LYPD6: variants seen among roughly 807,000 people sequenced by gnomAD.
LYPD6 encodes LY6/PLAUR domain containing 6.
LYPD6 carries 15 observed loss-of-function variants against 22.7 expected under a neutral mutation model. That is an observed-to-expected ratio of 0.66 (90% CI 0.44 to 1.02). The LOEUF (loss-of-function observed/expected upper bound fraction) is 1.02, where lower values mean the gene tolerates loss of function less well. Ranked by LOEUF, LYPD6 falls within the 50% of genes least tolerant of loss-of-function variation. The pLI, the probability that LYPD6 is intolerant of heterozygous loss-of-function variation, is 0.00. For synonymous variants in LYPD6, 72 were observed against 77.5 expected, an observed-to-expected ratio of 0.93 and a Z score of 0.37; for missense variants, 189 against 208.4, an observed-to-expected ratio of 0.91 and a Z score of 0.57.
chr2:149,435,376 TACAC>T (rs1473445443), intron 1 of LYPD6, among the ~76,000 whole-genome samples: 12 of 152,268 alleles, frequency 7.9e-5, no homozygotes, highest in African/African-American at 2.9e-4. Context: ...TGTTTACAGT[TACAC>T]ACATAATGTT....
intron 1 of LYPD6, among the ~76,000 whole-genome samples, chr2:149,335,896 G>A (rs894031684): frequency 3.3e-5 from 5 of 152,196 alleles, no homozygotes; most frequent in African/African-American, 1.2e-4. Context: ...ACTTAGGTGT[G>A]TAGTAGGCTA....
At chr2:149,358,678 T>C (rs1211167536) in intron 1 of LYPD6, among the ~76,000 whole-genome samples, 1 of 151,982 alleles carries the variant, frequency 6.6e-6, no homozygotes, top group Non-Finnish European at 1.5e-5. Context: ...TCTAAATATA[T>C]ATATATATTT....
chr2:149,410,291 T>C (rs1682823884), intron 1 of LYPD6, among the ~76,000 whole-genome samples: 1 of 152,254 alleles, frequency 6.6e-6, no homozygotes, highest in Non-Finnish European at 1.5e-5. Context: ...TTAGTTGTTT[T>C]TAATCTTGTA....
downstream of LYPD6, among the ~76,000 whole-genome samples, chr2:149,475,589 C>T (rs1247712589): frequency 6.6e-6 from 1 of 152,118 alleles, no homozygotes; most frequent in Non-Finnish European, 1.5e-5. Flanking sequence ...TTACTATTGT[C>T]TTGCTGTTTA....
chr2:149,398,035 CG>C (rs1273306369), intron 1 of LYPD6, among the ~76,000 whole-genome samples: 7 of 152,100 alleles, frequency 4.6e-5, no homozygotes, highest in Admixed American at 4.6e-4. Flanking sequence ...AGAGGGAACA[CG>C]GTAAGATGAG....
At chr2:149,348,061 CAAAAAAAAA>C (rs58228847) in intron 1 of LYPD6, among the ~76,000 whole-genome samples, 2 of 76,718 alleles carry the variant, frequency 2.6e-5, no homozygotes, top group Non-Finnish European at 5.2e-5. Flanking sequence ...ACTAAAAATA[CAAAAAAAAA>C]AAAAAAAAAA....
At chr2:149,338,913 A>C (rs1246417397) in intron 1 of LYPD6, among the ~76,000 whole-genome samples, 7 of 152,170 alleles carry the variant, frequency 4.6e-5, no homozygotes, top group African/African-American at 1.7e-4. Flanking sequence ...TTTACATAAA[A>C]TCTGGTATAT....
chr2:149,359,936 A>C (rs1486497640), intron 1 of LYPD6, among the ~76,000 whole-genome samples: 4 of 152,202 alleles, frequency 2.6e-5, no homozygotes, highest in African/African-American at 9.6e-5. Flanking sequence ...TGGCTGTTCC[A>C]TAGGCAGAGC....
chr2:149,446,249 C>A (rs886573138), intron 2 of LYPD6, among the ~76,000 whole-genome samples: 1 of 152,096 alleles, frequency 6.6e-6, no homozygotes, highest in Admixed American at 6.5e-5. Context: ...CATACAGATA[C>A]AAAAGTAATG....
downstream of LYPD6, chr2:149,474,230 TC>T (rs1681412058): frequency 6.6e-6 from 1 of 152,148 alleles, no homozygotes; most frequent in African/African-American, 2.4e-5. Flanking sequence ...AGGGTCTTGC[TC>T]TGTTGCCCAG....
chr2:149,482,241 G>C, the LYPD6 span, among the ~76,000 whole-genome samples: 1 of 151,864 alleles, frequency 6.6e-6, no homozygotes, highest in Non-Finnish European at 1.5e-5. Flanking sequence ...TAATATTATA[G>C]TTTGTCTTCT....
At chr2:149,393,884 A>T (rs946823651) in intron 1 of LYPD6, among the ~76,000 whole-genome samples, 2 of 152,208 alleles carry the variant, frequency 1.3e-5, no homozygotes, top group African/African-American at 4.8e-5. Flanking sequence ...TGCCAAAAAG[A>T]TAGGGCAGTG....
intron 1 of LYPD6, among the ~76,000 whole-genome samples, chr2:149,363,266 A>G (rs1029968233): frequency 1.3e-5 from 2 of 152,210 alleles, no homozygotes; most frequent in Non-Finnish European, 2.9e-5. Flanking sequence ...GCTAACATTT[A>G]TTGAACCTTT....
downstream of LYPD6, among the ~76,000 whole-genome samples, chr2:149,475,727 T>C (rs1006928617): frequency 3.9e-5 from 6 of 152,234 alleles, no homozygotes; most frequent in African/African-American, 1.4e-4. Context: ...GGGGTCCTCT[T>C]TTCTATTACC....
At chr2:149,336,520 A>G (rs559871747) in intron 1 of LYPD6, among the ~76,000 whole-genome samples, 1 of 152,302 alleles carries the variant, frequency 6.6e-6, no homozygotes, top group South Asian at 2.1e-4. Context: ...AGTGTTAGAA[A>G]AAGTGTAGGT....
chr2:149,410,686 A>T (rs1424492560), intron 1 of LYPD6, among the ~76,000 whole-genome samples: 1 of 152,106 alleles, frequency 6.6e-6, no homozygotes, highest in Non-Finnish European at 1.5e-5. Flanking sequence ...TGTATTTTGG[A>T]TGCTGGCAGG....
At chr2:149,398,970 A>G (rs888615193) in intron 1 of LYPD6, among the ~76,000 whole-genome samples, 1 of 152,220 alleles carries the variant, frequency 6.6e-6, no homozygotes, top group East Asian at 1.9e-4. Flanking sequence ...AGAGGAGGCA[A>G]AGGGATGGCT....
At chr2:149,474,893 C>A (rs1681425118), downstream of LYPD6, among the ~76,000 whole-genome samples, 1 of 152,140 alleles carries the variant, frequency 6.6e-6, no homozygotes, top group African/African-American at 2.4e-5. Flanking sequence ...CTCAGCCTCC[C>A]AGGTAGCTGG....
intron 2 of LYPD6, among the ~76,000 whole-genome samples, chr2:149,448,048 C>A (rs1176103148): frequency 6.6e-6 from 1 of 152,164 alleles, no homozygotes; most frequent in Non-Finnish European, 1.5e-5. Flanking sequence ...AATCCCAGCA[C>A]TTTGGGAGGC....
Sources: gnomAD v4.1 joint callset for allele counts (sites outside exome capture counted in the v4.1 genomes callset) on GRCh38, gnomAD v4.1.1 for gene constraint, MANE v1.5 for transcripts, NCBI Gene and HGNC (gene_info 2026-07-23, HGNC 2026-07-21) for gene names.